The following CORO7 variants were observed in gnomAD, a reference collection of about 807,000 sequenced individuals.
CORO7 encodes the protein coronin 7.
CORO7 carries 107 observed loss-of-function variants against 126.6 expected under a neutral mutation model. The observed-to-expected ratio is 0.85, with a 90% confidence interval of 0.72 to 0.99. CORO7 has a LOEUF of 0.99. CORO7 is among the 50% of genes least tolerant of loss of function. The probability of loss-of-function intolerance (pLI) is 0.00; values close to 1 mark genes in which losing one functional copy is unlikely to be tolerated. For missense variants in CORO7, 1,314 were observed against 1,255.8 expected, an observed-to-expected ratio of 1.05 and a Z score of -0.70; for synonymous variants, 603 against 536.8, an observed-to-expected ratio of 1.12 and a Z score of -1.70.
intron 9 of CORO7, among the ~76,000 whole-genome samples, chr16:4,385,924 G>A (rs1384395394): frequency 6.6e-6 from 1 of 152,242 alleles, no homozygotes; most frequent in African/African-American, 2.4e-5. Context: ...AGTGGATGCA[G>A]TTGCCAACCT....
intron 1 of CORO7, among the ~76,000 whole-genome samples, chr16:4,414,637 C>G (rs2056339551): frequency 6.6e-6 from 1 of 152,158 alleles, no homozygotes; most frequent in African/African-American, 2.4e-5. Flanking sequence ...CTGAAAAGAA[C>G]AGATCACCTG....
chr16:4,403,141 G>C (rs898142122), intron 6 of CORO7, among the ~76,000 whole-genome samples: 1 of 152,126 alleles, frequency 6.6e-6, no homozygotes, highest in Non-Finnish European at 1.5e-5. Flanking sequence ...CGGCTGCAAA[G>C]AGGGGCTCAC....
At chr16:4,379,966 G>A (rs2054894135) in intron 9 of CORO7, among the ~76,000 whole-genome samples, 1 of 150,584 alleles carries the variant, frequency 6.6e-6, no homozygotes, top group African/African-American at 2.4e-5. Context: ...GCTGAGGCAG[G>A]AGAATTGCTT....
At chr16:4,391,021 C>G (rs924204376) in intron 7 of CORO7, among the ~76,000 whole-genome samples, 1 of 152,210 alleles carries the variant, frequency 6.6e-6, no homozygotes, top group Non-Finnish European at 1.5e-5. Context: ...GTGGGTACAC[C>G]CAGCTCAGTT....
chr16:4,383,177 G>T lies in CORO7; in HGVS notation c.785+4809C>A, dbSNP rs112850548. The T allele has an allele frequency of 3.7e-3, 1,525 of 415,886 alleles. 3 individuals are homozygous for T. The highest frequency in any genetic ancestry group is 5.2e-3 in the Middle Eastern group (8 of 1,534). The allele number at this position is 415,886 out of a possible 1,614,324, so 25.8% of individuals were successfully genotyped here. On this transcript the variant is annotated intron_variant, in intron 9 of 27. Coordinates refer to ENST00000251166, the MANE Select transcript of CORO7 (RefSeq NM_024535.5). Reference sequence around the variant, plus strand: ...CAACGTGCAGTCCCTGGGCACGGCGGGCCCTGCCATGTGCTGGTAACGCAT... The same window carrying T: ...CAACGTGCAGTCCCTGGGCACGGCGTGCCCTGCCATGTGCTGGTAACGCAT...
intron 1 of CORO7, among the ~76,000 whole-genome samples, chr16:4,414,851 A>C (rs2056347468): frequency 6.6e-6 from 1 of 151,782 alleles, no homozygotes; most frequent in South Asian, 2.1e-4. Context: ...CCTCCTCCTA[A>C]CTTTTCTTGT....
At chr16:4,413,284 TC>T in intron 2 of CORO7, 23 bp downstream of exon 2, 1 of 1,556,326 alleles carries the variant, frequency 6.4e-7, no homozygotes, top group Non-Finnish European at 8.7e-7. Context: ...TGAGCAAATA[TC>T]CACACTCATG....
At position 4,362,242 on chromosome 16, in the gene CORO7, C is replaced by T; in HGVS notation, c.1403-82G>A. The stretch of plus-strand genomic sequence containing the variant: ...GCACTCTTTGAGTCCCGGCTGCCCA[C>T]TCCCCTCACCCCAGGTGGATGTACA... On this transcript the variant is annotated intron_variant, in intron 15 of 27. Coordinates refer to ENST00000251166, the MANE Select transcript of CORO7 (RefSeq NM_024535.5). The surrounding 1 kb of genome is among the most constrained non-coding windows in gnomAD (Gnocchi z 5.3). The T allele has an allele frequency of 3.3e-6, 5 of 1,505,246 alleles. No individual in the cohort carries two copies. Among genetic ancestry groups the T allele is most frequent in the African/African-American group, 1.4e-5 (1 of 71,870 alleles). The allele number at this position is 1,505,246 out of a possible 1,614,324, so 93.2% of individuals were successfully genotyped here.
rs1290862512 is a variant in CORO7, at chr16:4,374,183, A to G, written c.786-8638T>C. 1.6e-4 allele frequency among the ~76,000 whole-genome samples: 12 copies of G among 74,106 alleles called. 1 individual carries two copies. The highest frequency in any genetic ancestry group is 6.5e-4 in the African/African-American group (12 of 18,582). 48.6% of individuals were successfully genotyped at this position (74,106 alleles called of 152,430 possible). The stretch of plus-strand genomic sequence containing the variant: ...GCGCGTGACTGGAGCAGGGCTGTGT[A>G]TTTGGGGGTGGGTGGGGGTGTTTGG... On this transcript the variant is annotated intron_variant, in intron 9 of 27. Transcript: ENST00000251166.
intron 9 of CORO7, among the ~76,000 whole-genome samples, chr16:4,374,473 T>C (rs1309104226): frequency 6.6e-6 from 1 of 152,020 alleles, no homozygotes; most frequent in Non-Finnish European, 1.5e-5. Context: ...TCGTGGGGAA[T>C]GCAATAAGGT....
chr16:4,364,475 T>C, intron 13 of CORO7, 62 bp from the exon 14 acceptor site: 4 of 1,475,780 alleles, frequency 2.7e-6, no homozygotes, highest in Non-Finnish European at 2.7e-6. Flanking sequence ...AGGGCCCCCA[T>C]GGGAGGGTCA....
chr16:4,392,692 G>T (rs2055436460), intron 7 of CORO7, among the ~76,000 whole-genome samples: 1 of 152,228 alleles, frequency 6.6e-6, no homozygotes, highest in South Asian at 2.1e-4. Flanking sequence ...CTCCCAGAAG[G>T]CCTCTCCCTC....
intron 7 of CORO7, among the ~76,000 whole-genome samples, chr16:4,391,056 C>T (rs778649337): frequency 3.9e-5 from 6 of 152,342 alleles, no homozygotes; most frequent in Non-Finnish European, 7.3e-5. Flanking sequence ...AGGAAGCCCC[C>T]AGGTGAGGGA....
rs529501467 is a variant in CORO7 at position 4,362,939 on chromosome 16, A to G, written c.1276-201T>C. 1.1e-3 allele frequency: 563 copies of G among 523,404 alleles called. 4 individuals carry two copies. The highest frequency in any genetic ancestry group is 7.8e-3 in the African/African-American group (399 of 51,054). The allele number at this position is 523,404 out of a possible 1,614,324, so 32.4% of individuals were successfully genotyped here. On this transcript the variant is annotated intron_variant, in intron 14 of 27. Coordinates refer to ENST00000251166, the MANE Select transcript of CORO7 (RefSeq NM_024535.5). This position sits in a 1 kb window ranked among gnomAD's most constrained non-coding sequence, Gnocchi z 5.3. ...AGCAGCCGAGCTTCAGACCGCGGGGACAGCAAGTGGCAGCTGCTGGCTCCC... is the reference window on the plus strand; with the variant it reads ...AGCAGCCGAGCTTCAGACCGCGGGGGCAGCAAGTGGCAGCTGCTGGCTCCC...
chr16:4,391,150 G>A lies in CORO7; in HGVS notation c.616-2519C>T, dbSNP rs143541635. 1.0e-3 allele frequency among the ~76,000 whole-genome samples: 152 copies of A among 152,262 alleles called. 1 individual carries two copies. Among genetic ancestry groups the A allele is most frequent in the African/African-American group, 3.6e-3 (148 of 41,544 alleles). ...ATCAAAAATGAGAGGTGGGCTGGGC[G>A]CAATGGTACCTGCCGTAATCCCAAC... On this transcript the variant is annotated intron_variant, in intron 7 of 27. Coordinates refer to ENST00000251166, the MANE Select transcript of CORO7 (RefSeq NM_024535.5).
chr16:4,359,240 AG>A, intron 23 of CORO7, 55 bp downstream of exon 23: 1 of 1,514,728 alleles, frequency 6.6e-7, no homozygotes, highest in South Asian at 1.3e-5. Context: ...CATGGCCACC[AG>A]GGGGCAGGGC....
intron 7 of CORO7, among the ~76,000 whole-genome samples, chr16:4,390,313 T>C (rs1396437708): frequency 6.6e-6 from 1 of 152,028 alleles, no homozygotes; most frequent in Non-Finnish European, 1.5e-5. Flanking sequence ...TTTTAACCTT[T>C]CCTATGGTGC....
chr16:4,366,913 C>A (rs2054365760), intron 9 of CORO7, among the ~76,000 whole-genome samples: 6 of 152,170 alleles, frequency 3.9e-5, no homozygotes, highest in Non-Finnish European at 8.8e-5. Flanking sequence ...TTAAACAGGA[C>A]CCCGTCCCCA....
intron 10 of CORO7, among the ~76,000 whole-genome samples, 161 bp from the exon 11 acceptor site, chr16:4,365,221 G>T (rs906270069): frequency 6.6e-6 from 1 of 152,194 alleles, no homozygotes; most frequent in Admixed American, 6.5e-5. Context: ...CTGAGCCCTA[G>T]GCTGACTACC....
Sources: allele counts gnomAD v4.1 joint callset (sites outside exome capture counted in the v4.1 genomes callset), GRCh38; gene constraint gnomAD v4.1.1; non-coding constraint Gnocchi (gnomAD v3.1); transcripts MANE v1.5; gene names NCBI Gene and HGNC (gene_info 2026-07-23, HGNC 2026-07-21).